Variants in CDH18 observed in about 807,000 individuals in gnomAD.
The protein encoded by CDH18 is cadherin 18, also known as cadherin-18.
In CDH18, 31 loss-of-function variants were observed where a neutral mutation model predicts 67.9. The ratio of observed to expected loss-of-function variants is 0.46; its 90% CI spans 0.34 to 0.62. CDH18 has a LOEUF of 0.62. Among genes scored for constraint, CDH18 ranks in the 20% least tolerant of loss-of-function variants. The pLI, the probability that CDH18 is intolerant of heterozygous loss-of-function variation, is 0.01. For missense variants in CDH18, 890 were observed against 975.5 expected (o/e 0.91, Z 1.17); for synonymous variants, 362 against 347.2 (o/e 1.04, Z -0.48).
At chr5:19,991,701 C>T (rs1197238699), upstream of CDH18, among the ~76,000 whole-genome samples, 1 of 152,054 alleles carries the variant, frequency 6.6e-6, no homozygotes, top group African/African-American at 2.4e-5. Context: ...CATCTCTCTT[C>T]AGTTTAAGAA....
chr5:20,058,292 T>C (rs1410598251), intron 2 of CDH18, among the ~76,000 whole-genome samples: 3 of 152,148 alleles, frequency 2.0e-5, no homozygotes, highest in Non-Finnish European at 2.9e-5. Flanking sequence ...TTTTAAGACA[T>C]ACCTTAAATG....
intron 2 of CDH18, among the ~76,000 whole-genome samples, chr5:19,883,802 G>C (rs951821888): frequency 6.6e-6 from 1 of 151,920 alleles, no homozygotes; most frequent in East Asian, 1.9e-4. Context: ...AATATACAAG[G>C]ATAGACGAGA....
intron 6 of CDH18, among the ~76,000 whole-genome samples, chr5:19,597,576 A>G (rs1277112998): frequency 6.6e-6 from 1 of 152,130 alleles, no homozygotes. Flanking sequence ...TTCTCCTCCT[A>G]TGATTTTATA....
chr5:20,236,380 C>T lies in CDH18; in HGVS notation c.-518+19064G>A, dbSNP rs554588131. Among the ~76,000 whole-genome samples the T allele has an allele frequency of 1.3e-3, 191 of 150,746 alleles. 1 individual carries two copies. The highest frequency in any genetic ancestry group is 4.3e-3 in the African/African-American group (177 of 41,142). Reference sequence around the variant, plus strand: ...TTTAAAGTAATGAAAGAAAAAAATCCAACCAAGAATCCTATACCCAGAAAT... The same window carrying T: ...TTTAAAGTAATGAAAGAAAAAAATCTAACCAAGAATCCTATACCCAGAAAT... On this transcript the variant is annotated intron_variant, in intron 2 of 14. Transcript: ENST00000507958.
At chr5:20,463,102 T>C (rs541864422) in intron 1 of CDH18, among the ~76,000 whole-genome samples, 1 of 152,154 alleles carries the variant, frequency 6.6e-6, no homozygotes, top group Non-Finnish European at 1.5e-5. Context: ...TTGAATTCCA[T>C]TCTGATTCGA....
intron 5 of CDH18, among the ~76,000 whole-genome samples, chr5:19,613,516 T>C (rs892264475): frequency 6.6e-6 from 1 of 152,154 alleles, no homozygotes; most frequent in Non-Finnish European, 1.5e-5. Flanking sequence ...GTTTATTCTA[T>C]AAATCATCTG....
At chr5:20,507,430 A>G (rs1263357584) in intron 1 of CDH18, among the ~76,000 whole-genome samples, 1 of 152,228 alleles carries the variant, frequency 6.6e-6, no homozygotes, top group Non-Finnish European at 1.5e-5. Flanking sequence ...ATTCACTGGA[A>G]GTAATCATAT....
chr5:20,469,523 G>C (rs960634336), intron 1 of CDH18, among the ~76,000 whole-genome samples: 13 of 152,100 alleles, frequency 8.5e-5, no homozygotes, highest in Non-Finnish European at 1.6e-4. Flanking sequence ...TTCACTCAAA[G>C]TGCCCTTCAC....
At chr5:20,370,622 C>T (rs1742903697) in intron 1 of CDH18, among the ~76,000 whole-genome samples, 1 of 152,112 alleles carries the variant, frequency 6.6e-6, no homozygotes, top group South Asian at 2.1e-4. Context: ...GTGCAGTAAG[C>T]CATTGCTATG....
At chr5:19,972,318 A>G (rs1034748050) in intron 2 of CDH18, among the ~76,000 whole-genome samples, 3 of 151,992 alleles carry the variant, frequency 2.0e-5, no homozygotes, top group Non-Finnish European at 1.5e-5. Flanking sequence ...CAAAACTATT[A>G]AAGTAAATCA....
intron 11 of CDH18, among the ~76,000 whole-genome samples, chr5:19,491,260 T>A (rs974234613): frequency 2.0e-5 from 3 of 152,210 alleles, no homozygotes; most frequent in Admixed American, 1.3e-4. Context: ...TTAGAGGATA[T>A]ATGAGGCTTG....
At chr5:19,992,771 G>A (rs1800056377), upstream of CDH18, among the ~76,000 whole-genome samples, 1 of 151,796 alleles carries the variant, frequency 6.6e-6, no homozygotes, top group Non-Finnish European at 1.5e-5. Flanking sequence ...AAAAGTATAT[G>A]ATTTCTACAT....
chr5:20,212,339 A>C (rs1740419280), intron 2 of CDH18, among the ~76,000 whole-genome samples: 3 of 152,172 alleles, frequency 2.0e-5, no homozygotes, highest in Admixed American at 1.3e-4. Flanking sequence ...AATGGAACCA[A>C]GTTGGAAAAC....
At chr5:20,531,086 A>G (rs1162331723) in intron 1 of CDH18, among the ~76,000 whole-genome samples, 1 of 152,176 alleles carries the variant, frequency 6.6e-6, no homozygotes, top group Non-Finnish European at 1.5e-5. Context: ...AAGGCCATGA[A>G]CAGACACTTC....
At chr5:20,216,550 G>C (rs1740785700) in intron 2 of CDH18, among the ~76,000 whole-genome samples, 1 of 151,810 alleles carries the variant, frequency 6.6e-6, no homozygotes, top group South Asian at 2.1e-4. Context: ...TTATTATATA[G>C]GTATATGCCC....
At chr5:19,929,965 C>G (rs1359118836) in intron 2 of CDH18, among the ~76,000 whole-genome samples, 1 of 151,790 alleles carries the variant, frequency 6.6e-6, no homozygotes, top group Non-Finnish European at 1.5e-5. Context: ...GAAGTAGAAA[C>G]TAAGAAAAAA....
intron 6 of CDH18, among the ~76,000 whole-genome samples, chr5:19,607,686 T>C (rs1022337301): frequency 4.6e-5 from 7 of 151,480 alleles, no homozygotes; most frequent in African/African-American, 1.7e-4. Flanking sequence ...GAAATTATAA[T>C]GTCATTTTAA....
chr5:20,525,805 C>T (rs954872665), intron 1 of CDH18, among the ~76,000 whole-genome samples: 9 of 52,560 alleles, frequency 1.7e-4, no homozygotes, highest in African/African-American at 3.8e-4. Flanking sequence ...CCACTATACA[C>T]ACACACACAC....
At chr5:20,305,767 T>G in intron 1 of CDH18, 1 of 281,002 alleles carries the variant, frequency 3.6e-6, no homozygotes, top group Non-Finnish European at 6.7e-6. Context: ...GGGCGGCCAT[T>G]TTGTAACTCG....
Sources: allele counts gnomAD v4.1 joint callset (sites outside exome capture counted in the v4.1 genomes callset), GRCh38; gene constraint gnomAD v4.1.1; transcripts MANE v1.5; gene names NCBI Gene and HGNC (gene_info 2026-07-23, HGNC 2026-07-21).